Variants in FRMD6 observed in about 807,000 individuals in gnomAD.
The protein encoded by FRMD6 is FERM domain containing 6, also known as FERM domain-containing protein 6.
FRMD6 carries 37 observed loss-of-function variants against 73.2 expected under a neutral mutation model. The ratio of observed to expected loss-of-function variants is 0.51; its 90% CI spans 0.39 to 0.66. The LOEUF is 0.66. FRMD6 is among the 30% of genes least tolerant of loss of function. The probability of loss-of-function intolerance (pLI) is 0.00; values close to 1 mark genes in which losing one functional copy is unlikely to be tolerated. For synonymous variants in FRMD6, 273 were observed against 282.2 expected (o/e 0.97, Z 0.33); for missense variants, 714 against 780.5 (o/e 0.91, Z 1.02).
At chr14:51,640,789 A>T (rs1366821753) in intron 2 of FRMD6, among the ~76,000 whole-genome samples, 1 of 152,182 alleles carries the variant, frequency 6.6e-6, no homozygotes, top group East Asian at 1.9e-4. Flanking sequence ...TTACTTCTAC[A>T]TATTTGGCAG....
At chr14:51,459,884 C>CTTTTTTTTTTTTT in the FRMD6 span, among the ~76,000 whole-genome samples, 437 of 74,592 alleles carry the variant, frequency 5.9e-3, 66 homozygotes, top group East Asian at 0.01. Flanking sequence ...TACTGACTCT[C>CTTTTTTTTTTTTT]TTTTTTTTTT....
chr14:51,709,121 A>G (rs1896799429), intron 7 of FRMD6, among the ~76,000 whole-genome samples: 1 of 152,148 alleles, frequency 6.6e-6, no homozygotes, highest in Non-Finnish European at 1.5e-5. Context: ...TACCCACTTA[A>G]GTATTCAAAG....
At chr14:51,623,387 G>T (rs1891002645) in intron 2 of FRMD6, among the ~76,000 whole-genome samples, 1 of 152,200 alleles carries the variant, frequency 6.6e-6, no homozygotes, top group Non-Finnish European at 1.5e-5. Context: ...ATGGGATCCT[G>T]AATGCCACAG....
At position 51,712,467 on chromosome 14, in the gene FRMD6, C is replaced by T; in HGVS notation, c.781-16C>T. 6.7e-7 allele frequency: 1 copy of T among 1,491,272 alleles called. No homozygotes were observed. The highest frequency in any genetic ancestry group is 1.4e-5 in the African/African-American group (1 of 72,304). 92.4% of individuals were successfully genotyped at this position (1,491,272 alleles called of 1,614,324 possible). ...TCATTTTTCCCATTAACTCCATATG[C>T]ATATTCTTTTCACAGAATTTAGATG... On this transcript the variant is annotated splice_polypyrimidine_tract_variant and intron_variant, in intron 8 of 13. Coordinates refer to ENST00000344768, the MANE Select transcript of FRMD6 (RefSeq NM_001267046.2).
At position 51,708,344 on chromosome 14, in the gene FRMD6, A is replaced by G. The variant is rs750016752; in HGVS notation, c.714+111A>G. 3.4e-5 allele frequency: 36 copies of G among 1,068,072 alleles called. 1 individual carries two copies. In the South Asian group the frequency reaches 5.7e-4, roughly 17 times the overall value. The allele number at this position is 1,068,072 out of a possible 1,614,324, so 66.2% of individuals were successfully genotyped here. A position where few individuals can be genotyped will look rare whatever the true frequency, so the allele number is the denominator to read the frequency against. The stretch of plus-strand genomic sequence containing the variant: ...TCCATTAAAACTTATTTCATTTTTT[A>G]CATGCTTTTAAAAGAGTTTCATTGA... On this transcript the variant is annotated intron_variant, in intron 7 of 13. Coordinates refer to ENST00000344768, the MANE Select transcript of FRMD6 (RefSeq NM_001267046.2).
intron 11 of FRMD6, among the ~76,000 whole-genome samples, chr14:51,720,947 C>CT (rs1320730528): frequency 1.3e-5 from 2 of 152,208 alleles, no homozygotes; most frequent in Non-Finnish European, 2.9e-5. Context: ...CTTAGCCAAA[C>CT]TTAACATTTG....
intron 2 of FRMD6, among the ~76,000 whole-genome samples, chr14:51,576,830 G>A (rs772868119): frequency 2.6e-5 from 4 of 152,164 alleles, no homozygotes; most frequent in Non-Finnish European, 5.9e-5. Context: ...TGGAAGACAG[G>A]TCCTCCTCCC....
intron 1 of FRMD6, among the ~76,000 whole-genome samples, chr14:51,492,523 G>A (rs534298858): frequency 2.6e-5 from 4 of 151,842 alleles, no homozygotes; most frequent in South Asian, 2.1e-4. Flanking sequence ...CCCCTTAAAC[G>A]TCTTAGAAAC....
chr14:51,467,896 G>A, the FRMD6 span, among the ~76,000 whole-genome samples: 2 of 152,250 alleles, frequency 1.3e-5, no homozygotes, highest in South Asian at 2.1e-4. Flanking sequence ...GATGGCGGCC[G>A]GGTAGAGGCT....
intron 1 of FRMD6, among the ~76,000 whole-genome samples, chr14:51,515,080 C>G (rs773109949): frequency 2.6e-5 from 4 of 152,172 alleles, no homozygotes; most frequent in Admixed American, 2.6e-4. Context: ...GCCTCTTTTC[C>G]TAGATTGTGC....
At chr14:51,485,944 G>A (rs1298822254), upstream of FRMD6, among the ~76,000 whole-genome samples, 2 of 151,944 alleles carry the variant, frequency 1.3e-5, no homozygotes, top group Non-Finnish European at 2.9e-5. Context: ...AACTGCCTCA[G>A]AATCCCAGAC....
chr14:51,468,660 G>A, the FRMD6 span, among the ~76,000 whole-genome samples: 2 of 152,086 alleles, frequency 1.3e-5, no homozygotes, highest in South Asian at 2.1e-4. Flanking sequence ...TCCCAAACCC[G>A]GGGGTGGGCA....
At chr14:51,521,511 C>A (rs1884952820) in intron 1 of FRMD6, among the ~76,000 whole-genome samples, 1 of 151,746 alleles carries the variant, frequency 6.6e-6, no homozygotes, top group Non-Finnish European at 1.5e-5. Flanking sequence ...AAAACATTTA[C>A]ACATTTATGT....
At chr14:51,665,337 C>T (rs748064431) in intron 1 of FRMD6, among the ~76,000 whole-genome samples, 147 of 152,156 alleles carry the variant, frequency 9.7e-4, no homozygotes, top group Non-Finnish European at 1.2e-3. Context: ...CATTTTTCAT[C>T]CTGCAGGCTT....
the FRMD6 span, among the ~76,000 whole-genome samples, chr14:51,456,309 G>A: frequency 1.3e-5 from 2 of 150,778 alleles, no homozygotes; most frequent in Admixed American, 1.3e-4. Flanking sequence ...CTAGCCCCTC[G>A]CCCCCTGACA....
intron 1 of FRMD6, among the ~76,000 whole-genome samples, chr14:51,677,650 C>T (rs1368209137): frequency 6.6e-6 from 1 of 152,016 alleles, no homozygotes; most frequent in Non-Finnish European, 1.5e-5. Context: ...TGCCTTTGTT[C>T]TTGTTGGTTG....
At chr14:51,569,516 T>C (rs2139576901) in intron 1 of FRMD6, among the ~76,000 whole-genome samples, 2 of 149,258 alleles carry the variant, frequency 1.3e-5, no homozygotes, top group South Asian at 4.2e-4. Context: ...TCTTTTTTTT[T>C]TTTTTTTTTC....
At chr14:51,694,950 G>A (rs1020168373) in intron 2 of FRMD6, among the ~76,000 whole-genome samples, 1 of 148,532 alleles carries the variant, frequency 6.7e-6, no homozygotes. Context: ...TAAGAGCACT[G>A]CTTACTTGAT....
chr14:51,469,070 A>G, the FRMD6 span, among the ~76,000 whole-genome samples: 1 of 151,814 alleles, frequency 6.6e-6, no homozygotes, highest in East Asian at 2.0e-4. Flanking sequence ...CCTCCCGAGT[A>G]GCTGGGACTA....
Sources: allele counts gnomAD v4.1 joint callset (sites outside exome capture counted in the v4.1 genomes callset), GRCh38; gene constraint gnomAD v4.1.1; transcripts MANE v1.5; gene names NCBI Gene and HGNC (gene_info 2026-07-23, HGNC 2026-07-21).